TMEM163: variants seen among roughly 807,000 people sequenced by gnomAD.
The protein encoded by TMEM163 is transmembrane protein 163.
A neutral mutation model predicts 29.3 loss-of-function variants in TMEM163; 17 were observed. The observed-to-expected ratio is 0.58, with a 90% CI of 0.40 to 0.87. The LOEUF (loss-of-function observed/expected upper bound fraction) is 0.87. Among genes scored for constraint, TMEM163 ranks in the 40% least tolerant of loss-of-function variants. The probability of loss-of-function intolerance (pLI) is 0.00; values close to 1 mark genes in which losing one functional copy is unlikely to be tolerated. For missense variants in TMEM163, 303 were observed against 381.5 expected, an observed-to-expected ratio of 0.79 and a Z score of 1.71; for synonymous variants, 157 against 160.6, an observed-to-expected ratio of 0.98 and a Z score of 0.17.
chr2:134,585,304 C>T (rs1216606141), intron 2 of TMEM163, among the ~76,000 whole-genome samples: 1 of 152,120 alleles, frequency 6.6e-6, no homozygotes, highest in Non-Finnish European at 1.5e-5. Context: ...GTCTGGCTAC[C>T]TCACACTCTG....
At chr2:134,548,842 G>A (rs190575428) in intron 4 of TMEM163, among the ~76,000 whole-genome samples, 15 of 152,256 alleles carry the variant, frequency 9.9e-5, no homozygotes, top group Admixed American at 2.0e-4. Context: ...ATGAAACAAA[G>A]TTTTGACTGT....
intron 2 of TMEM163, among the ~76,000 whole-genome samples, chr2:134,607,021 A>G (rs1682388711): frequency 7.0e-6 from 1 of 143,164 alleles, no homozygotes; most frequent in African/African-American, 2.7e-5. Context: ...ACAGACCCCG[A>G]GAACTGTGCT....
rs1380414745 is a variant in TMEM163, at chr2:134,653,705, C to T, written c.322+59495G>A. Among the ~76,000 whole-genome samples the T allele has an allele frequency of 5.8e-5, 5 of 85,780 alleles. 1 individual carries two copies. The highest frequency in any genetic ancestry group is 3.9e-4 in the African/African-American group (5 of 12,772). The allele number at this position is 85,780 out of a possible 152,430, so 56.3% of individuals were successfully genotyped here. The stretch of plus-strand genomic sequence containing the variant: ...ATTTAGTGCTATAAATTTCCCTCTA[C>T]ACACTGCTTTGAATGCGTCCCAGAG... On this transcript the variant is annotated intron_variant, in intron 2 of 7. Coordinates refer to ENST00000281924, the MANE Select transcript of TMEM163 (RefSeq NM_030923.5).
intron 5 of TMEM163, among the ~76,000 whole-genome samples, chr2:134,495,828 G>A (rs1679540310): frequency 1.3e-5 from 2 of 152,164 alleles, no homozygotes; most frequent in Non-Finnish European, 2.9e-5. Context: ...AGTCCCCTCT[G>A]CTTTAATCCA....
chr2:134,462,865 G>A (rs1686580243), intron 6 of TMEM163, among the ~76,000 whole-genome samples: 1 of 152,236 alleles, frequency 6.6e-6, no homozygotes, highest in Non-Finnish European at 1.5e-5. Context: ...GTGGGGCCAG[G>A]GACTCTTGCT....
At chr2:134,518,510 G>C (rs1174083555) in intron 4 of TMEM163, among the ~76,000 whole-genome samples, 2 of 152,196 alleles carry the variant, frequency 1.3e-5, no homozygotes, top group African/African-American at 4.8e-5. Context: ...CCACAGTGCT[G>C]ACTAAATACA....
At position 134,613,327 on chromosome 2, in the gene TMEM163, G is replaced by T. The variant is rs149015038; in HGVS notation, c.323-61236C>A. ...GAGTTCCAGCAAAAGATGTGTAAAA[G>T]ATACCCCCAAAACTGGAGAAATAAT... is the stretch of plus-strand genomic sequence containing the variant. On this transcript the variant is annotated intron_variant, in intron 2 of 7. Transcript: ENST00000281924. 7.2e-5 allele frequency among the ~76,000 whole-genome samples: 11 copies of T among 152,212 alleles called. No homozygotes were observed. In the East Asian group the frequency reaches 2.1e-3, roughly 29 times the overall value.
At chr2:134,497,252 T>C (rs1460665440) in intron 5 of TMEM163, among the ~76,000 whole-genome samples, 1 of 152,206 alleles carries the variant, frequency 6.6e-6, no homozygotes, top group Admixed American at 6.5e-5. Flanking sequence ...CTCTAGCCAT[T>C]ATTGCTATTT....
At chr2:134,707,090 G>A (rs1684831860) in intron 2 of TMEM163, among the ~76,000 whole-genome samples, 1 of 152,200 alleles carries the variant, frequency 6.6e-6, no homozygotes, top group African/African-American at 2.4e-5. Flanking sequence ...ACACCGCCAG[G>A]ATGTGGCTTT....
intron 5 of TMEM163, among the ~76,000 whole-genome samples, chr2:134,491,576 G>T (rs1679430921): frequency 6.6e-6 from 1 of 152,124 alleles, no homozygotes; most frequent in Non-Finnish European, 1.5e-5. Context: ...CCCCTTAAAA[G>T]ACCTGGTTCC....
At chr2:134,714,254 T>G (rs372816794) in intron 1 of TMEM163, among the ~76,000 whole-genome samples, 1 of 152,206 alleles carries the variant, frequency 6.6e-6, no homozygotes, top group Admixed American at 6.5e-5. Flanking sequence ...TTTTCAGCCA[T>G]GCATTTACAT....
chr2:134,487,068 T>C lies in TMEM163; in HGVS notation c.555+15833A>G, dbSNP rs144168399. On this transcript the variant is annotated intron_variant, in intron 5 of 7. Coordinates refer to ENST00000281924, the MANE Select transcript of TMEM163 (RefSeq NM_030923.5). ...TGGTAATGAAATTGAGAAGCCCTTCTGTTACAGTAAGAACCAACAGAAGGA... is the reference window on the plus strand; with the variant it reads ...TGGTAATGAAATTGAGAAGCCCTTCCGTTACAGTAAGAACCAACAGAAGGA... 4.8e-3 allele frequency among the ~76,000 whole-genome samples: 726 copies of C among 152,282 alleles called. 3 individuals are homozygous for C. Among genetic ancestry groups the C allele is most frequent in the African/African-American group, 0.017 (693 of 41,558 alleles).
intron 5 of TMEM163, chr2:134,466,858 A>G (rs1394274644): frequency 6.6e-6 from 1 of 152,372 alleles, no homozygotes; most frequent in Non-Finnish European, 1.5e-5. Context: ...TGAGTCCCAT[A>G]TGCAATAAGT....
At chr2:134,507,872 C>G (rs1679861362) in intron 4 of TMEM163, among the ~76,000 whole-genome samples, 4 of 151,970 alleles carry the variant, frequency 2.6e-5, no homozygotes, top group African/African-American at 7.3e-5. Flanking sequence ...CACACACACA[C>G]AGACACACAC....
intron 5 of TMEM163, among the ~76,000 whole-genome samples, chr2:134,487,082 C>G (rs1679329659): frequency 6.6e-6 from 1 of 152,008 alleles, no homozygotes; most frequent in African/African-American, 2.4e-5. Context: ...ACAGTAAGAA[C>G]CAACAGAAGG....
intron 4 of TMEM163, among the ~76,000 whole-genome samples, chr2:134,516,687 A>G (rs1182753981): frequency 5.8e-5 from 8 of 136,882 alleles, no homozygotes; most frequent in Non-Finnish European, 1.3e-4. Context: ...ACATATATGC[A>G]TATATATGCA....
At chr2:134,716,330 C>G (rs1373764031) in intron 1 of TMEM163, among the ~76,000 whole-genome samples, 1 of 152,218 alleles carries the variant, frequency 6.6e-6, no homozygotes, top group Non-Finnish European at 1.5e-5. Flanking sequence ...GATGGCACTG[C>G]AGTTACTGAC....
rs116622500 is a variant in TMEM163 at position 134,570,595 on chromosome 2, G to A, written c.323-18504C>T. ...GAAAGCCTCTTTTTTTCTAAGGAGG[G>A]GCTGTTCCTTTTTAGTGGAGCAGTT... is the stretch of plus-strand genomic sequence containing the variant. On this transcript the variant is annotated intron_variant, in intron 2 of 7. Transcript: ENST00000281924. 3.3e-3 allele frequency among the ~76,000 whole-genome samples: 506 copies of A among 151,870 alleles called. 6 individuals carry two copies. The highest frequency in any genetic ancestry group is 0.012 in the African/African-American group (486 of 41,420).
At chr2:134,578,619 CACAACCAAAGTAAT>C (rs1379623891) in intron 2 of TMEM163, among the ~76,000 whole-genome samples, 3 of 152,130 alleles carry the variant, frequency 2.0e-5, no homozygotes, top group African/African-American at 7.2e-5. Context: ...AAATACTATG[CACAACCAAAGTAAT>C]ACTAACAAGC....
Sources: gnomAD v4.1 joint callset for allele counts (sites outside exome capture counted in the v4.1 genomes callset) on GRCh38, gnomAD v4.1.1 for gene constraint, MANE v1.5 for transcripts, NCBI Gene and HGNC (gene_info 2026-07-23, HGNC 2026-07-21) for gene names.